BCL11B: variants seen among roughly 807,000 people sequenced by gnomAD.
BCL11B encodes the protein BCL11 transcription factor B.
In BCL11B, 8 loss-of-function variants were observed where a neutral mutation model predicts 49.9. The ratio of observed to expected loss-of-function variants is 0.16; its 90% CI spans 0.09 to 0.29. BCL11B has a LOEUF of 0.29. BCL11B is among the 10% of genes least tolerant of loss of function. BCL11B has a pLI of 1.00. For synonymous variants in BCL11B, 739 were observed against 637.4 expected (o/e 1.16, Z -2.40); for missense variants, 1,006 against 1,351.0 (o/e 0.74, Z 4.00).
At position 99,247,897 on chromosome 14, in the gene BCL11B, G is replaced by C. The variant is rs568723708; in HGVS notation, c.427+9574C>G. Among the ~76,000 whole-genome samples the C allele has an allele frequency of 6.6e-6, 1 of 152,152 alleles. No individual in the cohort carries two copies. The highest frequency in any genetic ancestry group is 2.4e-5 in the African/African-American group (1 of 41,426). On this transcript the variant is annotated intron_variant, in intron 2 of 3. Coordinates refer to ENST00000357195, the MANE Select transcript of BCL11B (RefSeq NM_138576.4). This position sits in a 1 kb window ranked among gnomAD's most constrained non-coding sequence, Gnocchi z 4.5. ...GCACTCAGCCCCCAGGGCAGGGGAT[G>C]GGGGGAAAACAGCCCTGATCAAACA...
Position 99,242,752 on chromosome 14 carries a change from A to T in BCL11B, c.428-11195T>A, listed in dbSNP as rs1343284345. On this transcript the variant is annotated intron_variant, in intron 2 of 3. Coordinates refer to ENST00000357195, the MANE Select transcript of BCL11B (RefSeq NM_138576.4). This position sits in a 1 kb window ranked among gnomAD's most constrained non-coding sequence, Gnocchi z 4.4. Reference sequence around the variant, plus strand: ...GTTATTTTATGAAAAATCTAATTCAAGTAATCCAGCTTTTGCTGGAAAAAA... The same window carrying T: ...GTTATTTTATGAAAAATCTAATTCATGTAATCCAGCTTTTGCTGGAAAAAA... 6.6e-6 allele frequency among the ~76,000 whole-genome samples: 1 copy of T among 152,278 alleles called. No individual in the cohort carries two copies. Among genetic ancestry groups the T allele is most frequent in the African/African-American group, 2.4e-5 (1 of 41,472 alleles).
rs79907519 is a variant in BCL11B, at chr14:99,196,639, G to A, written c.641-20444C>T. Reference sequence around the variant, plus strand: ...GACAGATGCCCCCCAAGATTCCCAGGAGCTGAAGCCTCAGCAGTTCCACCG... The same window carrying A: ...GACAGATGCCCCCCAAGATTCCCAGAAGCTGAAGCCTCAGCAGTTCCACCG... On this transcript the variant is annotated intron_variant, in intron 3 of 3. Transcript: ENST00000357195. Among the ~76,000 whole-genome samples, 746 of 152,294 alleles carry A rather than the reference G, an allele frequency of 4.9e-3. 2 individuals carry two copies. The highest frequency in any genetic ancestry group is 7.7e-3 in the Admixed American group (118 of 15,302).
chr14:99,199,675 TGTGTGTGTGCGC>T (rs1166585517), intron 3 of BCL11B, among the ~76,000 whole-genome samples: 13 of 84,828 alleles, frequency 1.5e-4, no homozygotes, highest in South Asian at 1.3e-3. Context: ...TGTGTGTGTG[TGTGTGTGTGCGC>T]GCGCGCGCGC....
At chr14:99,223,586 C>T (rs1888074087) in intron 3 of BCL11B, among the ~76,000 whole-genome samples, 1 of 152,204 alleles carries the variant, frequency 6.6e-6, no homozygotes. Flanking sequence ...ATGTATGCCC[C>T]ATTTCCAGAA....
chr14:99,171,036 T>G lies in BCL11B; in HGVS notation c.*3115A>C, dbSNP rs778860313. The G allele has an allele frequency of 1.3e-5, 3 of 231,542 alleles. No homozygotes were observed. The highest frequency in any genetic ancestry group is 2.6e-5 in the Non-Finnish European group (3 of 116,848). 14.3% of individuals were successfully genotyped at this position (231,542 alleles called of 1,614,324 possible). A position where few individuals can be genotyped will look rare whatever the true frequency, so the allele number is the denominator to read the frequency against. ...TCCTCTACATCTGACATCTTAGAGA[T>G]GGCCTCTTAGAGAAAGGGAGGACGA... On this transcript the variant is annotated 3_prime_UTR_variant, in exon 4 of 4. Coordinates refer to ENST00000357195, the MANE Select transcript of BCL11B (RefSeq NM_138576.4).
intron 2 of BCL11B, among the ~76,000 whole-genome samples, chr14:99,235,513 T>C (rs1307838841): frequency 6.6e-6 from 1 of 152,202 alleles, no homozygotes; most frequent in African/African-American, 2.4e-5. Context: ...CATGGCTTCA[T>C]ATGCAAATTT....
In BCL11B at chr14:99,271,141, C is replaced by T; in HGVS notation, c.58+20G>A. On this transcript the variant is annotated intron_variant, in intron 1 of 3. Transcript: ENST00000357195. ...GGAGCCCCATCTCCGGCCCCTCGCG[C>T]GCACTCCGCAGACACTTACGGGTGA... 1 of 1,541,486 alleles carries T rather than the reference C, an allele frequency of 6.5e-7. No homozygotes were observed. The highest frequency in any genetic ancestry group is 8.7e-7 in the Non-Finnish European group (1 of 1,150,360).
At chr14:99,223,323 A>C (rs1888065447) in intron 3 of BCL11B, among the ~76,000 whole-genome samples, 1 of 152,146 alleles carries the variant, frequency 6.6e-6, no homozygotes, top group African/African-American at 2.4e-5. Flanking sequence ...CCATTTTTTA[A>C]AAATATAATA....
In BCL11B at chr14:99,174,736, C is replaced by T. The variant is rs1886414783; in HGVS notation, c.2100G>A (p.Ala700=). Residue 700 remains alanine, a synonymous_variant, in exon 4 of 4, where the codon GCG becomes GCA. Coordinates refer to ENST00000357195, the MANE Select transcript of BCL11B (RefSeq NM_138576.4). Reference sequence around the variant, plus strand: ...AGTACACGTTCTCGGACGGGATGAGCGCGGCGGGCGGCAGCTCCAGGTCCT... The same window carrying T: ...AGTACACGTTCTCGGACGGGATGAGTGCGGCGGGCGGCAGCTCCAGGTCCT... ...VEKDLELPPA[A]LIPSENVYSQ... 9.1e-6 allele frequency: 14 copies of T among 1,530,970 alleles called. No individual in the cohort carries two copies. Among genetic ancestry groups the T allele is most frequent in the East Asian group, 2.6e-5 (1 of 38,130 alleles). 94.8% of individuals were successfully genotyped at this position (1,530,970 alleles called of 1,614,324 possible). A position where few individuals can be genotyped will look rare whatever the true frequency, so the allele number is the denominator to read the frequency against.
At chr14:99,208,233 A>G (rs371232419) in intron 3 of BCL11B, among the ~76,000 whole-genome samples, 12 of 152,220 alleles carry the variant, frequency 7.9e-5, no homozygotes, top group East Asian at 7.8e-4. Context: ...GCACAATTTG[A>G]ACAAAGATGG....
rs1886379854 is a variant in BCL11B, at chr14:99,174,040, C to T, written c.*111G>A. 1.7e-6 allele frequency: 2 copies of T among 1,146,038 alleles called. No individual in the cohort carries two copies. Among genetic ancestry groups the T allele is most frequent in the Non-Finnish European group, 2.5e-6 (2 of 812,654 alleles). The allele number at this position is 1,146,038 out of a possible 1,614,324, so 71.0% of individuals were successfully genotyped here. ...TTGGAGTGCCGCCTCCCCTGGGCCC[C>T]GGGGACACGCGGGGTGCGGGGTGGC... On this transcript the variant is annotated 3_prime_UTR_variant, in exon 4 of 4. Transcript: ENST00000357195.
chr14:99,187,532 TGA>T (rs1886889328), intron 3 of BCL11B, among the ~76,000 whole-genome samples: 1 of 152,066 alleles, frequency 6.6e-6, no homozygotes, highest in African/African-American at 2.4e-5. Flanking sequence ...CCGCCCAACA[TGA>T]GAGTTTTCTG....
chr14:99,212,307 A>G (rs1399997375), intron 3 of BCL11B, among the ~76,000 whole-genome samples: 1 of 151,564 alleles, frequency 6.6e-6, no homozygotes, highest in Non-Finnish European at 1.5e-5. Context: ...GTGCAGCTCA[A>G]GCCCCATGTT....
chr14:99,271,301 C>G lies in BCL11B; in HGVS notation c.-83G>C, dbSNP rs1187387880. The stretch of plus-strand genomic sequence containing the variant: ...GGAGGGGGTCCGAGCCGCCGCCGCG[C>G]CGCTGCCGCCGCTGCCGCCGCCGCC... On this transcript the variant is annotated 5_prime_UTR_variant, in exon 1 of 4. Transcript: ENST00000357195. 1.6e-5 allele frequency: 13 copies of G among 827,636 alleles called. No individual in the cohort carries two copies. The highest frequency in any genetic ancestry group is 9.6e-6 in the Non-Finnish European group (6 of 626,668). The allele number at this position is 827,636 out of a possible 1,614,324, so 51.3% of individuals were successfully genotyped here. A position where few individuals can be genotyped will look rare whatever the true frequency, so the allele number is the denominator to read the frequency against.
intron 3 of BCL11B, among the ~76,000 whole-genome samples, chr14:99,188,974 C>G (rs906455669): frequency 1.3e-5 from 2 of 152,240 alleles, no homozygotes; most frequent in Non-Finnish European, 2.9e-5. Context: ...ATCAATACGA[C>G]GTGCCACAAA....
At chr14:99,246,976 G>A (rs922057344) in intron 2 of BCL11B, among the ~76,000 whole-genome samples, 1 of 152,146 alleles carries the variant, frequency 6.6e-6, no homozygotes, top group Admixed American at 6.5e-5. Flanking sequence ...TGTCCACCTC[G>A]CAGACAGTGA....
intron 2 of BCL11B, among the ~76,000 whole-genome samples, chr14:99,252,992 A>T (rs939367574): frequency 6.6e-6 from 1 of 152,258 alleles, no homozygotes; most frequent in Non-Finnish European, 1.5e-5. Context: ...AGCAGGGTCC[A>T]CACTTTCCTG....
chr14:99,224,582 G>C (rs557071368), intron 3 of BCL11B, among the ~76,000 whole-genome samples: 1 of 152,310 alleles, frequency 6.6e-6, no homozygotes, highest in Admixed American at 6.5e-5. Context: ...AGGCTTTCCG[G>C]CATCTCAGCT....
chr14:99,239,035 C>T (rs1237538422), intron 2 of BCL11B, among the ~76,000 whole-genome samples: 3 of 152,334 alleles, frequency 2.0e-5, no homozygotes, highest in East Asian at 1.9e-4. Flanking sequence ...CTATCAGCAA[C>T]GTGGACATGT....
Sources: allele counts gnomAD v4.1 joint callset (sites outside exome capture counted in the v4.1 genomes callset), GRCh38; gene constraint gnomAD v4.1.1; non-coding constraint Gnocchi (gnomAD v3.1); transcripts MANE v1.5; gene names NCBI Gene and HGNC (gene_info 2026-07-23, HGNC 2026-07-21).